Variants in SPOCK1 observed in about 807,000 individuals in gnomAD.
SPOCK1 encodes testican-1.
A neutral mutation model predicts 55.3 loss-of-function variants in SPOCK1; 23 were observed. The ratio of observed to expected loss-of-function variants is 0.42; its 90% CI spans 0.30 to 0.59. SPOCK1 has a LOEUF of 0.59. Ranked by LOEUF, SPOCK1 falls within the 20% of genes least tolerant of loss-of-function variation. SPOCK1 has a pLI of 0.22. For synonymous variants in SPOCK1, 226 were observed against 221.0 expected, an observed-to-expected ratio of 1.02 and a Z score of -0.20; for missense variants, 499 against 552.5, an observed-to-expected ratio of 0.90 and a Z score of 0.97.
intron 2 of SPOCK1, among the ~76,000 whole-genome samples, chr5:137,319,931 G>A (rs1445883049): frequency 5.2e-5 from 7 of 134,266 alleles, no homozygotes; most frequent in African/African-American, 1.1e-4. Flanking sequence ...CGGCCTGGGC[G>A]ACAGAGCGAG....
rs56375242 is a variant in SPOCK1 at position 137,302,579 on chromosome 5, AAAATAAAT to A, written c.187-35532_187-35525del. Among the ~76,000 whole-genome samples the A allele has an allele frequency of 9.2e-3, 1,304 of 141,190 alleles. 20 individuals carry two copies. Among genetic ancestry groups the A allele is most frequent in the South Asian group, 0.035 (150 of 4,340 alleles). 92.6% of individuals were successfully genotyped at this position (141,190 alleles called of 152,430 possible). On this transcript the variant is annotated intron_variant, in intron 2 of 10. Transcript: ENST00000394945. ...GCAACAGAGTGAGACTCCATCTCAAAAAATAAATAAATAAATAAATAAATAAATAAATA... is the reference window on the plus strand; with the variant it reads ...GCAACAGAGTGAGACTCCATCTCAAAAAATAAATAAATAAATAAATAAATA...
chr5:137,385,517 A>G (rs1751580211), intron 2 of SPOCK1, among the ~76,000 whole-genome samples: 2 of 152,222 alleles, frequency 1.3e-5, no homozygotes, highest in African/African-American at 2.4e-5. Context: ...AACTAGAATA[A>G]TGATTCATTA....
In SPOCK1 at chr5:137,112,465, G is replaced by A. The variant is rs139509959; in HGVS notation, c.444C>T (p.Cys148=). The A allele has an allele frequency of 2.5e-4, 401 of 1,613,782 alleles. No individual in the cohort carries two copies. The highest frequency in any genetic ancestry group is 9.6e-4 in the East Asian group (43 of 44,872). ...PCPVAQSAMV[C]GSDGHSYTSK... ...ATGTGTAGGAGTGGCCATCTGAGCC[G>A]CAGACCATGGCTGACTGTGCCACGG... The change falls in exon 5 of 11, where the codon TGC becomes TGT. Residue 148 remains cysteine (C), a synonymous_variant. Coordinates refer to ENST00000394945, the MANE Select transcript of SPOCK1 (RefSeq NM_004598.4).
chr5:137,341,068 A>T (rs1750411168), intron 2 of SPOCK1, among the ~76,000 whole-genome samples: 1 of 152,198 alleles, frequency 6.6e-6, no homozygotes, highest in African/African-American at 2.4e-5. Context: ...TCTGAAGTCA[A>T]CATGCACATC....
chr5:137,498,464 C>T lies in SPOCK1; in HGVS notation c.95G>A (p.Gly32Asp). 1 of 1,608,190 alleles carries T rather than the reference C, an allele frequency of 6.2e-7. No individual in the cohort carries two copies. Among genetic ancestry groups the T allele is most frequent in the Non-Finnish European group, 8.5e-7 (1 of 1,178,420 alleles). The change falls in exon 2 of 11, where the codon GGC becomes GAC. Residue 32 changes from glycine (G) to aspartate (D), a missense_variant. Physicochemically the swap from Gly to Asp is moderately conservative, Grantham distance 94. Transcript: ENST00000394945. The part of the protein sequence containing the change: ...RHLDALAGGA[G>D]PNHGNFLDND... ...GTCTAGGAAATTGCCGTGGTTGGGG[C>T]CCGCGCCTCCGGCGAGCGCGTCCAG...
At chr5:137,031,336 A>G (rs1034489863) in intron 6 of SPOCK1, among the ~76,000 whole-genome samples, 1 of 152,232 alleles carries the variant, frequency 6.6e-6, no homozygotes, top group Admixed American at 6.5e-5. Flanking sequence ...TCCAAAATTC[A>G]CCGGCTCTCA....
Position 137,498,667 on chromosome 5 carries a change from G to A in SPOCK1, c.1-109C>T, listed in dbSNP as rs1040258037. The stretch of plus-strand genomic sequence containing the variant: ...CCCGGAGGCGGGGACCCCGCGGCGG[G>A]CACGGGCAGCGCTCGCGCACCTGGG... On this transcript the variant is annotated intron_variant, in intron 1 of 10. Transcript: ENST00000394945. The A allele has an allele frequency of 2.0e-5, 19 of 952,930 alleles. No homozygotes were observed. The African/African-American group carries it at 2.4e-4, about 12-fold the overall frequency. 59.0% of individuals were successfully genotyped at this position (952,930 alleles called of 1,614,324 possible).
rs544408591 is a variant in SPOCK1 at position 137,422,931 on chromosome 5, C to T, written c.186+75442G>A. 1.0e-3 allele frequency among the ~76,000 whole-genome samples: 156 copies of T among 152,240 alleles called. 1 individual carries two copies. Among genetic ancestry groups the T allele is most frequent in the Admixed American group, 1.6e-3 (24 of 15,294 alleles). Reference sequence around the variant, plus strand: ...CTTTGTGGTTTTATCTACCTTTGGTCTTTGATGATGGTGACGTACAGATGG... The same window carrying T: ...CTTTGTGGTTTTATCTACCTTTGGTTTTTGATGATGGTGACGTACAGATGG... On this transcript the variant is annotated intron_variant, in intron 2 of 10. Coordinates refer to ENST00000394945, the MANE Select transcript of SPOCK1 (RefSeq NM_004598.4).
At chr5:137,099,378 T>C (rs1464647468) in intron 5 of SPOCK1, among the ~76,000 whole-genome samples, 1 of 152,150 alleles carries the variant, frequency 6.6e-6, no homozygotes. Flanking sequence ...GCCACTACTT[T>C]TTCTGATTGG....
At chr5:137,408,006 A>T (rs1752136394) in intron 2 of SPOCK1, among the ~76,000 whole-genome samples, 1 of 151,340 alleles carries the variant, frequency 6.6e-6, no homozygotes, top group Non-Finnish European at 1.5e-5. Context: ...CCCCTGCAAC[A>T]GACCAAGCTC....
At chr5:137,244,848 C>T (rs903733960) in intron 3 of SPOCK1, among the ~76,000 whole-genome samples, 2 of 152,238 alleles carry the variant, frequency 1.3e-5, no homozygotes, top group African/African-American at 4.8e-5. Flanking sequence ...CTAGTGCCCT[C>T]CAACATAAGA....
Position 136,996,880 on chromosome 5 carries a change from G to A in SPOCK1, c.590-4280C>T, listed in dbSNP as rs897665027. On this transcript the variant is annotated intron_variant, in intron 6 of 10. Coordinates refer to ENST00000394945, the MANE Select transcript of SPOCK1 (RefSeq NM_004598.4). ...CCCAGCCAGCAGCGGCAACCCTCTC[G>A]GTTCCCCTTCCACACTGTGGAAACT... 3.9e-5 allele frequency among the ~76,000 whole-genome samples: 6 copies of A among 152,142 alleles called. No homozygotes were observed. In the East Asian group the frequency reaches 5.8e-4, roughly 15 times the overall value.
chr5:137,082,276 A>G, intron 5 of SPOCK1, among the ~76,000 whole-genome samples: 1 of 152,240 alleles, frequency 6.6e-6, no homozygotes, highest in East Asian at 1.9e-4. Flanking sequence ...GAAGGCAAAT[A>G]TCTGGGTAAC....
At chr5:137,013,633 A>G (rs959615512) in intron 6 of SPOCK1, among the ~76,000 whole-genome samples, 3 of 152,308 alleles carry the variant, frequency 2.0e-5, no homozygotes, top group Non-Finnish European at 4.4e-5. Context: ...AGAAATTCTC[A>G]TTCTCTAACA....
intron 3 of SPOCK1, among the ~76,000 whole-genome samples, chr5:137,261,936 C>A (rs1756749362): frequency 1.3e-5 from 2 of 152,174 alleles, no homozygotes; most frequent in Non-Finnish European, 2.9e-5. Context: ...CACTTTGAGA[C>A]AACTTCATGT....
chr5:137,149,717 A>G (rs997535194), intron 3 of SPOCK1, among the ~76,000 whole-genome samples: 9 of 152,196 alleles, frequency 5.9e-5, no homozygotes, highest in Admixed American at 4.6e-4. Context: ...TTCAGCAGCC[A>G]TGGTTGTTGA....
chr5:137,498,824 G>GC (rs1345342029), intron 1 of SPOCK1, among the ~76,000 whole-genome samples: 1 of 152,180 alleles, frequency 6.6e-6, no homozygotes. Context: ...TTCTCCGAGT[G>GC]CCCCACAGAT....
intron 2 of SPOCK1, among the ~76,000 whole-genome samples, chr5:137,316,316 G>A (rs999257872): frequency 1.3e-5 from 2 of 152,222 alleles, no homozygotes; most frequent in Non-Finnish European, 2.9e-5. Flanking sequence ...CTGAATTTGG[G>A]AAGTGATGCA....
intron 2 of SPOCK1, among the ~76,000 whole-genome samples, chr5:137,326,279 CAA>C (rs34897652): frequency 5.0e-5 from 7 of 140,632 alleles, no homozygotes; most frequent in Non-Finnish European, 4.7e-5. Context: ...CTTCTGCATC[CAA>C]AAAAAAAAAA....
Sources: allele counts gnomAD v4.1 joint callset (sites outside exome capture counted in the v4.1 genomes callset), GRCh38; gene constraint gnomAD v4.1.1; transcripts MANE v1.5; gene names NCBI Gene and HGNC (gene_info 2026-07-23, HGNC 2026-07-21).